NCOR1: variants seen among roughly 807,000 people sequenced by gnomAD.
NCOR1 encodes nuclear receptor corepressor 1.
A neutral mutation model predicts 288.1 loss-of-function variants in NCOR1; 63 were observed. The observed-to-expected ratio is 0.22, with a 90% CI of 0.18 to 0.27. NCOR1 has a LOEUF of 0.27. NCOR1 is among the 10% of genes least tolerant of loss of function. The pLI is 1.00. For missense variants in NCOR1, 2,397 were observed against 3,019.2 expected, an observed-to-expected ratio of 0.79 and a Z score of 4.83; for synonymous variants, 1,007 against 1,065.9, an observed-to-expected ratio of 0.94 and a Z score of 1.08.
intron 42 of NCOR1, among the ~76,000 whole-genome samples, chr17:16,041,458 G>C (rs749379700): frequency 8.8e-6 from 1 of 113,108 alleles, no homozygotes; most frequent in African/African-American, 3.5e-5. Context: ...TTGTCACCCA[G>C]GCTGGAGTGC....
chr17:16,196,171 T>A (rs1439831956), intron 1 of NCOR1, among the ~76,000 whole-genome samples: 1 of 149,798 alleles, frequency 6.7e-6, no homozygotes, highest in Admixed American at 6.7e-5. Context: ...TTTATATATA[T>A]AAAATCTCCA....
At chr17:16,199,043 C>A (rs2090350399) in intron 1 of NCOR1, among the ~76,000 whole-genome samples, 1 of 151,886 alleles carries the variant, frequency 6.6e-6, no homozygotes, top group Admixed American at 6.6e-5. Flanking sequence ...CACTCAATGT[C>A]ACTCAAAGTC....
In NCOR1 at chr17:16,058,901, T is replaced by C. The variant is rs1416002425; in HGVS notation, c.5882-302A>G. 2.0e-5 allele frequency among the ~76,000 whole-genome samples: 3 copies of C among 151,004 alleles called. No individual in the cohort carries two copies. In the East Asian group the frequency reaches 5.8e-4, roughly 29 times the overall value. On this transcript the variant is annotated intron_variant, in intron 37 of 45. Coordinates refer to ENST00000268712, the MANE Select transcript of NCOR1 (RefSeq NM_006311.4). ...GTCTCTACTAAAAAAAATACAAAATTAGTAGGGCGTGGTAGCTCATGCCTG... is the reference window on the plus strand; with the variant it reads ...GTCTCTACTAAAAAAAATACAAAATCAGTAGGGCGTGGTAGCTCATGCCTG...
chr17:16,117,617 G>A (rs1189207485), intron 18 of NCOR1, among the ~76,000 whole-genome samples: 3 of 151,616 alleles, frequency 2.0e-5, no homozygotes, highest in Admixed American at 2.0e-4. Context: ...GAGGTCTGGA[G>A]TTCGAGACCA....
chr17:16,174,122 C>T (rs1030092767), intron 3 of NCOR1, among the ~76,000 whole-genome samples: 3 of 152,184 alleles, frequency 2.0e-5, no homozygotes, highest in Admixed American at 6.5e-5. Context: ...GACAATACTA[C>T]ACAAAGCAAC....
intron 44 of NCOR1, among the ~76,000 whole-genome samples, chr17:16,035,315 A>AC (rs1974097073): frequency 6.6e-6 from 1 of 152,180 alleles, no homozygotes; most frequent in Non-Finnish European, 1.5e-5. Context: ...GATCCCTCAA[A>AC]CCCTTCTTTA....
intron 45 of NCOR1, among the ~76,000 whole-genome samples, chr17:16,033,931 A>G (rs1973241422): frequency 6.6e-6 from 1 of 151,666 alleles, no homozygotes; most frequent in South Asian, 2.1e-4. Context: ...TCTGACCTCA[A>G]GTGATCTGCC....
intron 3 of NCOR1, among the ~76,000 whole-genome samples, chr17:16,177,139 C>T (rs530586562): frequency 6.6e-6 from 1 of 152,134 alleles, no homozygotes; most frequent in South Asian, 2.1e-4. Context: ...CCTTAAGCCA[C>T]ATCTACTTTA....
At chr17:16,113,723 T>C (rs1041047606) in intron 18 of NCOR1, among the ~76,000 whole-genome samples, 2 of 152,156 alleles carry the variant, frequency 1.3e-5, no homozygotes, top group Admixed American at 6.5e-5. Flanking sequence ...TGAAACCCCA[T>C]CTCTACTAAA....
chr17:16,177,282 T>C (rs1943493075), intron 3 of NCOR1, among the ~76,000 whole-genome samples: 1 of 152,074 alleles, frequency 6.6e-6, no homozygotes, highest in African/African-American at 2.4e-5. Context: ...AATATAGAAA[T>C]ATAGAACTTA....
At position 16,081,089 on chromosome 17, in the gene NCOR1, T is replaced by C. The variant is rs145268498; in HGVS notation, c.3178-362A>G. ...TGCTATGGAGAGTGGTATCAGCAAA[T>C]ACAGCAAAGTAATAAGGACTTCCAA... On this transcript the variant is annotated intron_variant, in intron 23 of 45. Coordinates refer to ENST00000268712, the MANE Select transcript of NCOR1 (RefSeq NM_006311.4). Among the ~76,000 whole-genome samples the C allele has an allele frequency of 3.9e-5, 6 of 151,904 alleles. No homozygotes were observed. In the East Asian group the frequency reaches 1.2e-3, roughly 29 times the overall value.
At chr17:16,134,706 G>A (rs1342769306) in intron 14 of NCOR1, among the ~76,000 whole-genome samples, 1 of 152,098 alleles carries the variant, frequency 6.6e-6, no homozygotes, top group Non-Finnish European at 1.5e-5. Context: ...ATCATCATGG[G>A]CAACTGGCTG....
intron 3 of NCOR1, among the ~76,000 whole-genome samples, chr17:16,181,223 G>A (rs11657784): frequency 0.1 from 8,467 of 83,426 alleles, 494 homozygotes; most frequent in African/African-American, 0.2. Flanking sequence ...GTGTGTGTGT[G>A]TGTGTGTGTG....
chr17:16,215,328 G>A (rs2092462139), intron 1 of NCOR1, 34 bp downstream of exon 1: 1 of 391,654 alleles, frequency 2.6e-6, no homozygotes, highest in Non-Finnish European at 4.5e-6. Flanking sequence ...CAGGAGCCCG[G>A]AGGCCGGGGT....
chr17:16,152,368 T>C (rs1015373990), intron 7 of NCOR1, among the ~76,000 whole-genome samples: 2 of 152,124 alleles, frequency 1.3e-5, no homozygotes, highest in African/African-American at 2.4e-5. Context: ...GTGTTCTCAT[T>C]GTTCAATTCC....
At position 16,119,480 on chromosome 17, in the gene NCOR1, T is replaced by C. The variant is rs2072522799; in HGVS notation, c.1858A>G (p.Thr620Ala). Residue 620 changes from threonine to alanine, a missense_variant, in exon 17 of 46, where the codon ACA becomes GCA. Physicochemically the swap from Thr to Ala is moderately conservative, Grantham distance 58 (BLOSUM62 0). Coordinates refer to ENST00000268712, the MANE Select transcript of NCOR1 (RefSeq NM_006311.4). ...CATCGAGAGGTCTCCACAGGCTCTG[T>C]AGAAACTAAAATAAAGAGAGAACCC... ...PLPPPPEPIS[T>A]EPVETSRWTE... The C allele has an allele frequency of 2.5e-6, 4 of 1,600,832 alleles. No homozygotes were observed. The highest frequency in any genetic ancestry group is 3.4e-6 in the Non-Finnish European group (4 of 1,174,524).
intron 19 of NCOR1, among the ~76,000 whole-genome samples, chr17:16,103,229 C>T (rs1294730234): frequency 1.3e-5 from 2 of 152,146 alleles, no homozygotes; most frequent in African/African-American, 2.4e-5. Flanking sequence ...AAGAAGTCAT[C>T]TTTTAAACCC....
intron 45 of NCOR1, among the ~76,000 whole-genome samples, chr17:16,033,939 G>T (rs774230036): frequency 3.3e-5 from 5 of 151,986 alleles, no homozygotes; most frequent in Non-Finnish European, 7.4e-5. Flanking sequence ...CAAGTGATCT[G>T]CCCGCCTCAG....
chr17:16,064,234 T>G lies in NCOR1; in HGVS notation c.5102-47A>C, dbSNP rs1475411036. On this transcript the variant is annotated intron_variant, in intron 34 of 45. Transcript: ENST00000268712. Reference sequence around the variant, plus strand: ...CTTAAAGATAAAAATATCAACTGACTGAGTATATCAAACAATTCCGAAATT... The same window carrying G: ...CTTAAAGATAAAAATATCAACTGACGGAGTATATCAAACAATTCCGAAATT... 7 of 1,573,908 alleles carry G rather than the reference T, an allele frequency of 4.4e-6. 1 individual carries two copies. In the East Asian group the frequency reaches 1.4e-4, roughly 31 times the overall value.
Sources: gnomAD v4.1 joint callset for allele counts (sites outside exome capture counted in the v4.1 genomes callset) on GRCh38, gnomAD v4.1.1 for gene constraint, MANE v1.5 for transcripts, NCBI Gene and HGNC (gene_info 2026-07-23, HGNC 2026-07-21) for gene names.